The following NEO1 variants were observed in gnomAD, a reference collection of about 807,000 sequenced individuals.
NEO1 encodes the protein neogenin.
Under a neutral mutation model 159.7 loss-of-function variants are expected in NEO1, and 63 were observed. That is an observed-to-expected ratio of 0.39 (90% CI 0.32 to 0.49). The LOEUF (loss-of-function observed/expected upper bound fraction) is 0.49, where lower values mean the gene tolerates loss of function less well. Among genes scored for constraint, NEO1 ranks in the 20% least tolerant of loss-of-function variants. The pLI, the probability that NEO1 is intolerant of heterozygous loss-of-function variation, is 0.85. For synonymous variants in NEO1, 633 were observed against 662.0 expected, an observed-to-expected ratio of 0.96 and a Z score of 0.67; for missense variants, 1,615 against 1,831.0, an observed-to-expected ratio of 0.88 and a Z score of 2.15.
Position 73,273,869 on chromosome 15 carries a change from G to A in NEO1, c.3024G>A (p.Glu1008=), listed in dbSNP as rs954278812. The change falls in exon 20 of 29, where the codon GAG becomes GAA. Residue 1008 remains glutamate (E), a synonymous_variant. Coordinates refer to ENST00000261908, the MANE Select transcript of NEO1 (RefSeq NM_002499.4). ...VNAEIHDWVI[E]PVVGNRLTHQ... ...CAGAGATACATGACTGGGTTATTGA[G>A]CCTGTTGTGGGAAACAGACTGACTC... 2 of 1,614,038 alleles carry A rather than the reference G, an allele frequency of 1.2e-6. 1 individual carries two copies. Among genetic ancestry groups the A allele is most frequent in the Non-Finnish European group, 1.7e-6 (2 of 1,180,020 alleles).
intron 21 of NEO1, among the ~76,000 whole-genome samples, chr15:73,276,596 C>G (rs1468108075): frequency 6.6e-6 from 1 of 152,166 alleles, no homozygotes; most frequent in Non-Finnish European, 1.5e-5. Flanking sequence ...AGAATATGCC[C>G]TTTTGGATAT....
At chr15:73,208,616 C>T (rs920953177) in intron 7 of NEO1, among the ~76,000 whole-genome samples, 1 of 152,180 alleles carries the variant, frequency 6.6e-6, no homozygotes, top group Admixed American at 6.5e-5. Flanking sequence ...AATCCCAGCA[C>T]TTTGGGAGGC....
Position 73,285,869 on chromosome 15 carries a change from T to A in NEO1, c.3411-2444T>A, listed in dbSNP as rs571960332. Among the ~76,000 whole-genome samples, 6 of 152,280 alleles carry A rather than the reference T, an allele frequency of 3.9e-5. No individual in the cohort carries two copies. The South Asian group carries it at 1.2e-3, about 32-fold the overall frequency. On this transcript the variant is annotated intron_variant, in intron 23 of 28. Coordinates refer to ENST00000261908, the MANE Select transcript of NEO1 (RefSeq NM_002499.4). Reference sequence around the variant, plus strand: ...GTAATCATCGTTTCCTCCTCCCTCCTAAGTGTACTTCCCCTGTTTGAAGCC... The same window carrying A: ...GTAATCATCGTTTCCTCCTCCCTCCAAAGTGTACTTCCCCTGTTTGAAGCC...
intron 5 of NEO1, among the ~76,000 whole-genome samples, chr15:73,140,673 A>G (rs1192423357): frequency 6.6e-6 from 1 of 152,216 alleles, no homozygotes; most frequent in Non-Finnish European, 1.5e-5. Flanking sequence ...ATGCACAATA[A>G]TGTTCTTACT....
intron 5 of NEO1, 78 bp from the exon 6 acceptor site, chr15:73,176,325 A>AT: frequency 2.0e-6 from 2 of 998,600 alleles, no homozygotes; most frequent in Non-Finnish European, 2.8e-6. Flanking sequence ...GGATTTTATG[A>AT]TTTAAAAATT....
At chr15:73,138,260 G>A (rs751591790) in intron 5 of NEO1, among the ~76,000 whole-genome samples, 16 of 152,250 alleles carry the variant, frequency 1.1e-4, no homozygotes, top group East Asian at 1.9e-4. Context: ...ATCTGGTATC[G>A]GGAGGACAAT....
Position 73,114,095 on chromosome 15 carries a change from C to T in NEO1, c.131-2445C>T, listed in dbSNP as rs1018041365. On this transcript the variant is annotated intron_variant, in intron 1 of 28. Transcript: ENST00000261908. ...GCGCATACACCATGCTTGCTTAGAA[C>T]AGGCAAAACTAACATTGCCTGGGCA... Among the ~76,000 whole-genome samples, 4 of 152,160 alleles carry T rather than the reference C, an allele frequency of 2.6e-5. No individual in the cohort carries two copies. In the East Asian group the frequency reaches 7.7e-4, roughly 29 times the overall value.
At chr15:73,070,471 G>A (rs1284163205) in intron 1 of NEO1, among the ~76,000 whole-genome samples, 1 of 152,172 alleles carries the variant, frequency 6.6e-6, no homozygotes, top group African/African-American at 2.4e-5. Context: ...AGGAGCATTT[G>A]TTATGTATCA....
chr15:73,267,958 A>G (rs1183763097), intron 16 of NEO1, among the ~76,000 whole-genome samples: 1 of 152,190 alleles, frequency 6.6e-6, no homozygotes, highest in African/African-American at 2.4e-5. Context: ...ATAATTGTGC[A>G]GATTTGGTAA....
chr15:73,215,280 GTCTGATT>G (rs1476657957), intron 7 of NEO1, among the ~76,000 whole-genome samples: 1 of 152,038 alleles, frequency 6.6e-6, no homozygotes, highest in African/African-American at 2.4e-5. Context: ...TCTTTCTCTT[GTCTGATT>G]TCTCTGGCTA....
At chr15:73,119,015 G>A (rs966343692) in intron 2 of NEO1, among the ~76,000 whole-genome samples, 12 of 152,052 alleles carry the variant, frequency 7.9e-5, no homozygotes, top group South Asian at 2.1e-4. Context: ...GTGTGTGTGC[G>A]CGCAATTAAA....
chr15:73,266,442 C>T, intron 16 of NEO1, 31 bp downstream of exon 16: 1 of 1,540,944 alleles, frequency 6.5e-7, no homozygotes, highest in Non-Finnish European at 8.9e-7. Context: ...TAGTCTCCAG[C>T]ACTTTTCCTA....
chr15:73,178,142 A>G (rs867282146), intron 6 of NEO1, among the ~76,000 whole-genome samples, 165 bp from the exon 7 acceptor site: 15 of 152,190 alleles, frequency 9.9e-5, no homozygotes, highest in African/African-American at 2.9e-4. Flanking sequence ...TACCTTGCCA[A>G]TGCTTTAGTA....
At chr15:73,271,966 G>A (rs1332455729) in intron 18 of NEO1, among the ~76,000 whole-genome samples, 3 of 149,964 alleles carry the variant, frequency 2.0e-5, no homozygotes, top group African/African-American at 7.4e-5. Context: ...AAATGAGAGA[G>A]AAAACTGTTT....
At chr15:73,159,920 T>C (rs763369590) in intron 5 of NEO1, among the ~76,000 whole-genome samples, 1 of 152,208 alleles carries the variant, frequency 6.6e-6, no homozygotes, top group East Asian at 1.9e-4. Flanking sequence ...TCTCATACTC[T>C]TGTTATTTGC....
At chr15:73,147,940 A>C (rs2033057848) in intron 5 of NEO1, among the ~76,000 whole-genome samples, 1 of 151,758 alleles carries the variant, frequency 6.6e-6, no homozygotes, top group Admixed American at 6.6e-5. Context: ...CAGCCTCCTG[A>C]GTAGCTGGGA....
intron 7 of NEO1, among the ~76,000 whole-genome samples, chr15:73,213,294 A>C (rs1475716406): frequency 6.6e-6 from 1 of 151,918 alleles, no homozygotes; most frequent in Non-Finnish European, 1.5e-5. Context: ...ATTTTTCCGT[A>C]AGTTATTAGG....
At chr15:73,206,374 T>C (rs2037225537) in intron 7 of NEO1, among the ~76,000 whole-genome samples, 1 of 152,220 alleles carries the variant, frequency 6.6e-6, no homozygotes, top group Admixed American at 6.5e-5. Flanking sequence ...ATTGTTTAGC[T>C]TTCTATACAT....
At chr15:73,201,866 A>G (rs2036910027) in intron 7 of NEO1, among the ~76,000 whole-genome samples, 2 of 151,488 alleles carry the variant, frequency 1.3e-5, no homozygotes, top group African/African-American at 4.9e-5. Context: ...TTTGTCTAGT[A>G]TTAATATAGC....
Sources: allele counts gnomAD v4.1 joint callset (sites outside exome capture counted in the v4.1 genomes callset), GRCh38; gene constraint gnomAD v4.1.1; transcripts MANE v1.5; gene names NCBI Gene and HGNC (gene_info 2026-07-23, HGNC 2026-07-21).